Variants in SNTG2 observed in about 807,000 individuals in gnomAD.
SNTG2 encodes the protein gamma-2-syntrophin.
In SNTG2, 74 loss-of-function variants were observed where a neutral mutation model predicts 70.9. The ratio of observed to expected loss-of-function variants is 1.04; its 90% CI spans 0.86 to 1.27. The LOEUF is 1.27. SNTG2 is among the 50% of genes most tolerant of loss of function. SNTG2 has a pLI of 0.00. For synonymous variants in SNTG2, 278 were observed against 273.8 expected (o/e 1.02, Z -0.15); for missense variants, 717 against 690.7 (o/e 1.04, Z -0.43).
At chr2:1,307,873 G>A (rs1005703771) in intron 14 of SNTG2, among the ~76,000 whole-genome samples, 1 of 152,208 alleles carries the variant, frequency 6.6e-6, no homozygotes, top group Non-Finnish European at 1.5e-5. Flanking sequence ...CCTCAGAAGC[G>A]GCACGTGCTG....
chr2:1,350,128 T>C (rs965073626), intron 16 of SNTG2, among the ~76,000 whole-genome samples: 1 of 152,076 alleles, frequency 6.6e-6, no homozygotes, highest in Non-Finnish European at 1.5e-5. Flanking sequence ...CCCCAGTGCC[T>C]TCTACATTTC....
intron 16 of SNTG2, among the ~76,000 whole-genome samples, chr2:1,333,780 AATC>A (rs1659655472): frequency 1.3e-5 from 2 of 152,228 alleles, no homozygotes; most frequent in Admixed American, 1.3e-4. Flanking sequence ...CTTATACAAA[AATC>A]AACTGAGGAT....
At chr2:1,121,514 C>A (rs374959591) in intron 4 of SNTG2, among the ~76,000 whole-genome samples, 1 of 152,056 alleles carries the variant, frequency 6.6e-6, no homozygotes, top group African/African-American at 2.4e-5. Context: ...TCCGTTCTCA[C>A]GCTGCTATAA....
intron 1 of SNTG2, among the ~76,000 whole-genome samples, chr2:1,033,576 T>C (rs893377670): frequency 1.3e-5 from 2 of 151,656 alleles, no homozygotes; most frequent in East Asian, 1.9e-4. Context: ...TCAGATACTT[T>C]GCTTAGTAAA....
At chr2:1,215,549 T>C (rs540180693) in intron 9 of SNTG2, among the ~76,000 whole-genome samples, 1,736 of 105,820 alleles carry the variant, frequency 0.016, 32 homozygotes, top group African/African-American at 0.084. Context: ...TTCTTTTTTT[T>C]CTTTTTTTTC....
chr2:1,138,804 T>A (rs1489274175), intron 6 of SNTG2, among the ~76,000 whole-genome samples: 2 of 152,196 alleles, frequency 1.3e-5, no homozygotes, highest in African/African-American at 4.8e-5. Context: ...AGTGTTTATC[T>A]TTTCAATTAG....
intron 1 of SNTG2, among the ~76,000 whole-genome samples, chr2:1,060,029 A>G (rs2148111096): frequency 6.6e-6 from 1 of 152,328 alleles, no homozygotes; most frequent in South Asian, 2.1e-4. Flanking sequence ...GGTTAGCCAC[A>G]TGAAGTAGGA....
intron 8 of SNTG2, among the ~76,000 whole-genome samples, chr2:1,206,896 G>A (rs1022075177): frequency 3.9e-5 from 6 of 152,290 alleles, no homozygotes; most frequent in African/African-American, 7.2e-5. Context: ...TGGTTTTGCA[G>A]TATAATTCTA....
At chr2:1,367,249 C>T (rs1573043319) in intron 16 of SNTG2, 94 bp from the exon 17 acceptor site, 1 of 1,230,650 alleles carries the variant, frequency 8.1e-7, no homozygotes, top group Non-Finnish European at 1.1e-6. Context: ...GAGGGACTTT[C>T]TTGGAGTTCA....
chr2:1,172,074 C>T (rs1671164204), intron 7 of SNTG2, among the ~76,000 whole-genome samples: 1 of 152,218 alleles, frequency 6.6e-6, no homozygotes, highest in African/African-American at 2.4e-5. Flanking sequence ...TCACAGGGGT[C>T]TTTCCTGCAA....
In SNTG2 at chr2:1,085,388, C is replaced by T. The variant is rs375795655; in HGVS notation, c.210+1733C>T. On this transcript the variant is annotated intron_variant, in intron 2 of 16. Transcript: ENST00000308624. ...TTAGGTTATTGGTGAAAATGAAAGA[C>T]TCCTTAAGAAAAATGGGCCTATGCT... Among the ~76,000 whole-genome samples, 14 of 152,246 alleles carry T rather than the reference C, an allele frequency of 9.2e-5. No homozygotes were observed. In the East Asian group the frequency reaches 1.7e-3, roughly 19 times the overall value.
intron 14 of SNTG2, among the ~76,000 whole-genome samples, chr2:1,306,967 G>A (rs1367692131): frequency 2.0e-5 from 3 of 151,938 alleles, no homozygotes; most frequent in South Asian, 2.1e-4. Flanking sequence ...GGTGTGAGCC[G>A]GGCATTGTGG....
intron 4 of SNTG2, among the ~76,000 whole-genome samples, chr2:1,133,474 G>C (rs1296156352): frequency 6.6e-6 from 1 of 152,164 alleles, no homozygotes; most frequent in Non-Finnish European, 1.5e-5. Flanking sequence ...TTTTGCAGGA[G>C]TTTGAATATT....
At chr2:1,106,534 G>C (rs868628632) in intron 4 of SNTG2, among the ~76,000 whole-genome samples, 1 of 75,028 alleles carries the variant, frequency 1.3e-5, no homozygotes, top group South Asian at 4.2e-4. Context: ...TCCTTGGTAA[G>C]AGTGGACACG....
intron 9 of SNTG2, 43 bp from the exon 10 acceptor site, chr2:1,237,844 TC>T: frequency 6.4e-7 from 1 of 1,562,602 alleles, no homozygotes; most frequent in Non-Finnish European, 8.7e-7. Context: ...GCAGGCCCGC[TC>T]CCGTCGCTGC....
intron 9 of SNTG2, among the ~76,000 whole-genome samples, chr2:1,217,188 T>G (rs900260052): frequency 1.3e-5 from 2 of 152,212 alleles, no homozygotes; most frequent in African/African-American, 2.4e-5. Context: ...TAAATATGTA[T>G]TTATATGATA....
intron 6 of SNTG2, chr2:1,160,456 T>C (rs904766612): frequency 1.3e-5 from 2 of 152,224 alleles, no homozygotes; most frequent in Admixed American, 1.3e-4. Flanking sequence ...GGCTGCTGTG[T>C]GTAGAATCAT....
At position 1,260,837 on chromosome 2, in the gene SNTG2, A is replaced by G. The variant is rs555351299; in HGVS notation, c.1077+1396A>G. Among the ~76,000 whole-genome samples, 4 of 152,164 alleles carry G rather than the reference A, an allele frequency of 2.6e-5. No individual in the cohort carries two copies. In the South Asian group the frequency reaches 8.3e-4, roughly 32 times the overall value. On this transcript the variant is annotated intron_variant, in intron 13 of 16. Coordinates refer to ENST00000308624, the MANE Select transcript of SNTG2 (RefSeq NM_018968.4). ...GTTTCCTTCGCATGGGCTCCTCATC[A>G]ACACATTTTCGCTTCTCCCCCCTCT...
intron 1 of SNTG2, among the ~76,000 whole-genome samples, chr2:1,058,864 CCCT>C (rs1251553363): frequency 6.6e-6 from 1 of 152,200 alleles, no homozygotes; most frequent in Admixed American, 6.5e-5. Flanking sequence ...TGTGCCAGAG[CCCT>C]CCTTGAAGGC....
Sources: allele counts gnomAD v4.1 joint callset (sites outside exome capture counted in the v4.1 genomes callset), GRCh38; gene constraint gnomAD v4.1.1; transcripts MANE v1.5; gene names NCBI Gene and HGNC (gene_info 2026-07-23, HGNC 2026-07-21).